F8: variants seen among roughly 807,000 people sequenced by gnomAD.
F8 encodes coagulation factor VIII.
Under a neutral mutation model 140.6 loss-of-function variants are expected in F8, and 12 were observed. The observed-to-expected ratio is 0.09, with a 90% CI of 0.05 to 0.14. The LOEUF is 0.14. F8 is among the 10% of genes least tolerant of loss of function. The pLI is 1.00. For synonymous variants in F8, 585 were observed against 614.6 expected, an observed-to-expected ratio of 0.95 and a Z score of 0.71; for missense variants, 1,354 against 1,720.7, an observed-to-expected ratio of 0.79 and a Z score of 3.77.
At chrX:154,991,451 T>C (rs1557284678) in intron 4 of F8, among the ~76,000 whole-genome samples, 5 of 112,384 alleles carry the variant, frequency 4.4e-5, no homozygotes. Context: ...TTTTTAAATA[T>C]CTGGGCTTTG....
chrX:154,862,160 G>A (rs1557272918), intron 23 of F8, among the ~76,000 whole-genome samples: 1 of 110,670 alleles, frequency 9.0e-6, no homozygotes. Flanking sequence ...CCGAGTAGCT[G>A]GGACTACAGG....
intron 21 of F8, chrX:154,897,652 A>C (rs1186534998): frequency 8.0e-5 from 9 of 112,373 alleles, no homozygotes; most frequent in African/African-American, 2.9e-4. Context: ...GTATTGTGGC[A>C]TAAAAAAGTG....
intron 13 of F8, among the ~76,000 whole-genome samples, chrX:154,933,618 A>T (rs1283085597): frequency 8.9e-6 from 1 of 112,462 alleles, no homozygotes; most frequent in Non-Finnish European, 1.9e-5. Context: ...ACCTTGTTTA[A>T]GGACGAGAAA....
In F8 at chrX:154,899,819, A is replaced by G. The variant is rs369060351; in HGVS notation, c.6273+47T>C. ...GCTTGCAAGAGGAATAAGTAATGCAATTGATTGAATGTGATACATTTCCCA... is the reference window on the plus strand; with the variant it reads ...GCTTGCAAGAGGAATAAGTAATGCAGTTGATTGAATGTGATACATTTCCCA... On this transcript the variant is annotated intron_variant, in intron 21 of 25. Coordinates refer to ENST00000360256, the MANE Select transcript of F8 (RefSeq NM_000132.4). The G allele has an allele frequency of 2.7e-6, 3 of 1,100,557 alleles. No individual in the cohort carries two copies. The African/African-American group carries it at 5.4e-5, about 20-fold the overall frequency. The allele number at this position is 1,100,557 out of a possible 1,213,427, so 90.7% of individuals were successfully genotyped here.
chrX:154,956,465 A>G (rs1054905792), intron 11 of F8, among the ~76,000 whole-genome samples: 2 of 112,321 alleles, frequency 1.8e-5, no homozygotes, highest in Non-Finnish European at 3.8e-5. Flanking sequence ...AAGAAATTAT[A>G]AAAGTATTAA....
chrX:154,982,513 A>G (rs2073534370), intron 6 of F8, among the ~76,000 whole-genome samples: 1 of 109,088 alleles, frequency 9.2e-6, no homozygotes, highest in Non-Finnish European at 1.9e-5. Context: ...ACATGTTGAT[A>G]CTAGACTATT....
chrX:154,896,805 A>G (rs1010768236), intron 21 of F8, among the ~76,000 whole-genome samples: 11 of 112,315 alleles, frequency 9.8e-5, no homozygotes, highest in African/African-American at 3.6e-4. Flanking sequence ...CACTTTGTAT[A>G]TAACTTCATT....
chrX:154,856,485 T>C (rs1046935705), intron 25 of F8, among the ~76,000 whole-genome samples: 1 of 112,612 alleles, frequency 8.9e-6, no homozygotes, highest in Non-Finnish European at 1.9e-5. Context: ...CACAGACCTA[T>C]GGTGTTGGCT....
At chrX:154,989,869 C>A (rs182552821) in intron 4 of F8, among the ~76,000 whole-genome samples, 10 of 112,197 alleles carry the variant, frequency 8.9e-5, no homozygotes, top group Admixed American at 8.5e-4. Context: ...AAGGGATACT[C>A]AATCAGTATT....
intron 10 of F8, among the ~76,000 whole-genome samples, chrX:154,959,625 G>A (rs1320898129): frequency 9.0e-6 from 1 of 111,524 alleles, no homozygotes; most frequent in East Asian, 2.8e-4. Flanking sequence ...TAGGACTTAT[G>A]CCTCCTATCT....
At chrX:154,890,449 A>G (rs1557275094) in intron 22 of F8, among the ~76,000 whole-genome samples, 1 of 112,522 alleles carries the variant, frequency 8.9e-6, no homozygotes, top group Non-Finnish European at 1.9e-5. Flanking sequence ...AAACAAACCA[A>G]AAGAAAGGAA....
chrX:154,860,499 T>C lies in F8; in HGVS notation c.6833A>G (p.Glu2278Gly), dbSNP rs1402684480. The change falls in exon 25 of 26, where the codon GAG (glutamate) becomes GGG (glycine). Residue 2278 changes from glutamate to glycine, a missense_variant. Physicochemically the swap from Glu to Gly is moderately conservative, Grantham distance 98. Transcript: ENST00000360256. The stretch of plus-strand genomic sequence containing the variant: ...ATCTTGACTGCTGGAGATGAGGAAC[T>C]CCTTCACATACATGCTGGTAAGCAG... ...KSLLTSMYVK[E>G]FLISSSQDGH... is the part of the protein sequence containing the mutation. 1.7e-6 allele frequency: 2 copies of C among 1,209,152 alleles called. No homozygotes were observed. The highest frequency in any genetic ancestry group is 2.2e-6 in the Non-Finnish European group (2 of 894,675).
At chrX:154,958,257 ACT>A (rs1391370039) in intron 10 of F8, among the ~76,000 whole-genome samples, 2 of 110,831 alleles carry the variant, frequency 1.8e-5, no homozygotes, top group African/African-American at 6.6e-5. Context: ...TATATCCAAG[ACT>A]CTATTGGTTC....
chrX:154,893,601 T>C (rs781837543), intron 22 of F8, among the ~76,000 whole-genome samples: 2 of 111,723 alleles, frequency 1.8e-5, no homozygotes, highest in Non-Finnish European at 3.8e-5. Context: ...ACTCTGATTT[T>C]TTTTTATCTT....
At chrX:154,908,030 T>C in intron 14 of F8, among the ~76,000 whole-genome samples, 1 of 112,222 alleles carries the variant, frequency 8.9e-6, no homozygotes, top group Non-Finnish European at 1.9e-5. Context: ...TTCTCTTTCT[T>C]TCCCTACCCT....
At chrX:155,016,099 C>T (rs782739467) in intron 1 of F8, among the ~76,000 whole-genome samples, 14 of 110,991 alleles carry the variant, frequency 1.3e-4, no homozygotes, top group Admixed American at 5.8e-4. Context: ...TAGCTGGGCA[C>T]GGTGGCGTGT....
chrX:154,995,689 A>T (rs2073612956), intron 3 of F8, among the ~76,000 whole-genome samples: 1 of 112,935 alleles, frequency 8.9e-6, no homozygotes, highest in Admixed American at 9.4e-5. Flanking sequence ...TAAGAAAAGT[A>T]AAAAGAAACA....
intron 13 of F8, among the ~76,000 whole-genome samples, chrX:154,932,778 A>G (rs1452554817): frequency 1.8e-5 from 2 of 111,474 alleles, no homozygotes; most frequent in Non-Finnish European, 3.8e-5. Context: ...AGGGAGGGTA[A>G]ATAAAAGTCC....
intron 25 of F8, among the ~76,000 whole-genome samples, chrX:154,857,768 A>C (rs2148565209): frequency 8.9e-6 from 1 of 112,807 alleles, no homozygotes; most frequent in East Asian, 2.8e-4. Flanking sequence ...GAATGGGCAA[A>C]GGATGTGAAT....
Sources: allele counts gnomAD v4.1 joint callset (sites outside exome capture counted in the v4.1 genomes callset), GRCh38; gene constraint gnomAD v4.1.1; transcripts MANE v1.5; gene names NCBI Gene and HGNC (gene_info 2026-07-23, HGNC 2026-07-21).